The following AKAP8L variants were observed in gnomAD, a reference collection of about 807,000 sequenced individuals.
The protein encoded by AKAP8L is A-kinase anchoring protein 8 like, also known as A-kinase anchor protein 8-like.
In AKAP8L, 34 loss-of-function variants were observed where a neutral mutation model predicts 77.5. The ratio of observed to expected loss-of-function variants is 0.44; its 90% CI spans 0.33 to 0.58. AKAP8L has a LOEUF of 0.58. Ranked by LOEUF, AKAP8L falls within the 20% of genes least tolerant of loss-of-function variation. The pLI is 0.02. For missense variants in AKAP8L, 806 were observed against 887.6 expected (o/e 0.91, Z 1.17); for synonymous variants, 342 against 340.7 (o/e 1.00, Z -0.04).
At chr19:15,415,786 G>A (rs1364001464) in intron 1 of AKAP8L, among the ~76,000 whole-genome samples, 6 of 152,004 alleles carry the variant, frequency 3.9e-5, no homozygotes, top group South Asian at 4.2e-4. Flanking sequence ...CTTGGGAGGC[G>A]GAGGCAGGAG....
intron 2 of AKAP8L, among the ~76,000 whole-genome samples, chr19:15,404,751 C>T (rs1389702327): frequency 1.3e-5 from 2 of 152,156 alleles, no homozygotes; most frequent in South Asian, 2.1e-4. Flanking sequence ...ATCTCTGCCC[C>T]GCAGAGGACA....
At chr19:15,381,181 T>C (rs1967407208) in intron 12 of AKAP8L, 1 of 153,900 alleles carries the variant, frequency 6.5e-6, no homozygotes, top group Admixed American at 6.4e-5. Context: ...AAAGTAAAAA[T>C]CTGTCTCATT....
intron 12 of AKAP8L, among the ~76,000 whole-genome samples, chr19:15,394,956 GTTCT>G (rs1327675904): frequency 0.01 from 697 of 67,408 alleles, 8 homozygotes; most frequent in African/African-American, 0.051. Flanking sequence ...GCTATGGCTT[GTTCT>G]TTTTTTTTTT....
intron 1 of AKAP8L, among the ~76,000 whole-genome samples, chr19:15,412,313 C>A (rs1158331118): frequency 1.3e-5 from 2 of 152,126 alleles, no homozygotes; most frequent in Non-Finnish European, 2.9e-5. Flanking sequence ...ACCCAGGAGG[C>A]GGAGATTGCA....
chr19:15,406,362 G>GGAGAGAGGGAGAGAGAGAGAGAGAGA, intron 2 of AKAP8L, among the ~76,000 whole-genome samples: 1 of 89,364 alleles, frequency 1.1e-5, no homozygotes, highest in African/African-American at 5.1e-5. Context: ...GAAATTTTAA[G>GGAGAGAGGGAGAGAGAGAGAGAGAGA]GAGAGAGAGA....
At chr19:15,400,394 CTTT>C (rs113004130) in intron 7 of AKAP8L, 36 bp from the exon 8 acceptor site, 190 of 1,380,574 alleles carry the variant, frequency 1.4e-4, no homozygotes, top group Middle Eastern at 2.0e-4. Context: ...AAACAGGTGC[CTTT>C]TTTTTTTTTT....
intron 2 of AKAP8L, among the ~76,000 whole-genome samples, chr19:15,407,558 T>C (rs1373521050): frequency 1.3e-5 from 2 of 152,236 alleles, no homozygotes; most frequent in Non-Finnish European, 2.9e-5. Flanking sequence ...GTAAGTCAAA[T>C]TTCAAATATT....
intron 2 of AKAP8L, 93 bp from the exon 3 acceptor site, chr19:15,404,135 T>C: frequency 7.3e-7 from 1 of 1,369,738 alleles, no homozygotes; most frequent in Non-Finnish European, 1.0e-6. Context: ...ACCTGACTGG[T>C]CAGAGCAGGC....
At chr19:15,410,093 C>T (rs1041104918) in intron 2 of AKAP8L, among the ~76,000 whole-genome samples, 1 of 152,180 alleles carries the variant, frequency 6.6e-6, no homozygotes, top group African/African-American at 2.4e-5. Flanking sequence ...CAGGCACACA[C>T]CACCATGCCC....
chr19:15,407,407 T>C (rs1457681755), intron 2 of AKAP8L, among the ~76,000 whole-genome samples: 2 of 152,232 alleles, frequency 1.3e-5, no homozygotes, highest in African/African-American at 2.4e-5. Context: ...AATGTTATAT[T>C]GTTCTTGCAA....
intron 12 of AKAP8L, among the ~76,000 whole-genome samples, chr19:15,388,656 C>A (rs1967591112): frequency 6.6e-6 from 1 of 152,198 alleles, no homozygotes; most frequent in Non-Finnish European, 1.5e-5. Flanking sequence ...TGGCTCACGC[C>A]TGTAATCCCA....
In AKAP8L at chr19:15,397,585, C is replaced by T. The variant is rs769018908; in HGVS notation, c.1340G>A (p.Arg447Gln). Residue 447 changes from arginine to glutamine, a missense_variant, in exon 11 of 14, where the codon CGA (arginine) becomes CAA (glutamine). Around this residue, in one of 2 missense-constraint regions of AKAP8L, gnomAD observed 580 missense variants for 694.1 expected, o/e 0.84. Coordinates refer to ENST00000397410, the MANE Select transcript of AKAP8L (RefSeq NM_014371.4). This position sits in a 1 kb window ranked among gnomAD's most constrained non-coding sequence, Gnocchi z 4.7. ...TNKTKKTEEL[R>Q]KTVEDLDGLI... ...GCCATCAAGGTCCTCCACGGTTTTT[C>T]GGAGCTCCTCTGTCTTCTTGGTCTT... 1.2e-5 allele frequency: 19 copies of T among 1,613,750 alleles called. No individual in the cohort carries two copies. Among genetic ancestry groups the T allele is most frequent in the East Asian group, 4.5e-5 (2 of 44,886 alleles).
intron 12 of AKAP8L, chr19:15,380,860 G>A (rs928291739): frequency 1.9e-5 from 10 of 523,940 alleles, no homozygotes; most frequent in African/African-American, 1.5e-4. Flanking sequence ...CTAACTTTAC[G>A]GCTGTATTAC....
At chr19:15,400,923 C>T (rs1299884756) in intron 6 of AKAP8L, 24 bp downstream of exon 6, 11 of 1,613,886 alleles carry the variant, frequency 6.8e-6, no homozygotes, top group Non-Finnish European at 9.3e-6. Context: ...GGGGCAGCCG[C>T]CCAGTACCAC....
intron 12 of AKAP8L, among the ~76,000 whole-genome samples, chr19:15,385,918 CTT>C (rs1220218326): frequency 7.0e-5 from 7 of 99,640 alleles, no homozygotes; most frequent in Admixed American, 1.3e-4. Flanking sequence ...TCTTTTTTTT[CTT>C]TTTTTTTTTT....
intron 2 of AKAP8L, among the ~76,000 whole-genome samples, chr19:15,408,466 G>A (rs1968042778): frequency 2.6e-5 from 4 of 151,896 alleles, no homozygotes; most frequent in Admixed American, 1.3e-4. Flanking sequence ...GGGAGGCCAA[G>A]GCACAAGAAT....
chr19:15,409,989 C>G (rs1968076399), intron 2 of AKAP8L, among the ~76,000 whole-genome samples: 2 of 152,052 alleles, frequency 1.3e-5, no homozygotes, highest in South Asian at 4.1e-4. Context: ...TGTTGCCAGG[C>G]TGGAGTGCAG....
At position 15,418,930 on chromosome 19, in the gene AKAP8L, G is replaced by A. The variant is rs118019161; in HGVS notation, c.-7C>T. 891 of 1,603,416 alleles carry A rather than the reference G, an allele frequency of 5.6e-4. No homozygotes were observed. Among genetic ancestry groups the A allele is most frequent in the Non-Finnish European group, 7.2e-4 (851 of 1,178,810 alleles). ...GCCCACCTGTGTAGCTCATGGTGGC[G>A]GGCAACACAACATCCGACGACGCCG... On this transcript the variant is annotated 5_prime_UTR_variant, in exon 1 of 14. Coordinates refer to ENST00000397410, the MANE Select transcript of AKAP8L (RefSeq NM_014371.4).
chr19:15,396,925 C>A (rs1287224991), intron 12 of AKAP8L, among the ~76,000 whole-genome samples: 2 of 152,218 alleles, frequency 1.3e-5, no homozygotes, highest in African/African-American at 4.8e-5. Context: ...CATGGAGGTC[C>A]CCATATCCCA....
Sources: gnomAD v4.1 joint callset for allele counts (sites outside exome capture counted in the v4.1 genomes callset) on GRCh38, gnomAD v4.1.1 for gene constraint, gnomAD v4.1.1 regional missense constraint, Gnocchi (gnomAD v3.1) non-coding constraint, MANE v1.5 for transcripts, NCBI Gene and HGNC (gene_info 2026-07-23, HGNC 2026-07-21) for gene names.